ITPR1: variants seen among roughly 807,000 people sequenced by gnomAD.
ITPR1 encodes the protein inositol 1,4,5-trisphosphate-gated calcium channel ITPR1.
Under a neutral mutation model 318.4 loss-of-function variants are expected in ITPR1, and 96 were observed. The ratio of observed to expected loss-of-function variants is 0.30; its 90% CI spans 0.26 to 0.36. ITPR1 has a LOEUF of 0.36. ITPR1 is among the 10% of genes least tolerant of loss of function. The pLI, the probability that ITPR1 is intolerant of heterozygous loss-of-function variation, is 1.00. For missense variants in ITPR1, 2,440 were observed against 3,460.2 expected (o/e 0.71, Z 7.40); for synonymous variants, 1,312 against 1,289.9 (o/e 1.02, Z -0.37).
chr3:4,827,641 A>G (rs1388284732), intron 60 of ITPR1, among the ~76,000 whole-genome samples: 1 of 152,196 alleles, frequency 6.6e-6, no homozygotes, highest in Non-Finnish European at 1.5e-5. Context: ...AGGAAGTTGA[A>G]TCAAAGGGTC....
chr3:4,564,504 G>T (rs1440502617), intron 4 of ITPR1, among the ~76,000 whole-genome samples: 2 of 152,168 alleles, frequency 1.3e-5, no homozygotes, highest in African/African-American at 4.8e-5. Context: ...ATTACCAAAT[G>T]AGTCACGTTC....
chr3:4,671,215 A>C (rs1020975077), intron 20 of ITPR1, among the ~76,000 whole-genome samples: 1 of 152,162 alleles, frequency 6.6e-6, no homozygotes, highest in Non-Finnish European at 1.5e-5. Flanking sequence ...CGTAAGAGGC[A>C]GGCTGTGGGG....
chr3:4,846,138 G>T lies in ITPR1; in HGVS notation c.8191-1G>T. 6.5e-7 allele frequency: 1 copy of T among 1,550,106 alleles called. No homozygotes were observed. The highest frequency in any genetic ancestry group is 8.7e-7 in the Non-Finnish European group (1 of 1,145,196). Reference sequence around the variant, plus strand: ...AATGATGAAACTTTTTAACTTTCCAGATGACAGAACAAAGGAAGCAGAAAC... The same window carrying T: ...AATGATGAAACTTTTTAACTTTCCATATGACAGAACAAAGGAAGCAGAAAC... On this transcript the variant is annotated splice_acceptor_variant, in intron 61 of 61. Coordinates refer to ENST00000649015, the MANE Select transcript of ITPR1 (RefSeq NM_001378452.1). LOFTEE classifies it high-confidence loss of function.
intron 4 of ITPR1, among the ~76,000 whole-genome samples, chr3:4,563,461 A>G (rs984369604): frequency 3.9e-5 from 6 of 152,186 alleles, no homozygotes; most frequent in Non-Finnish European, 8.8e-5. Context: ...GTGAGCTGGG[A>G]TCATACCACT....
chr3:4,622,376 G>A (rs2092673844), intron 4 of ITPR1, among the ~76,000 whole-genome samples: 1 of 151,430 alleles, frequency 6.6e-6, no homozygotes, highest in South Asian at 2.1e-4. Flanking sequence ...GCCTCCCAAA[G>A]TGCTGGGATT....
intron 5 of ITPR1, among the ~76,000 whole-genome samples, chr3:4,628,638 G>T (rs576740436): frequency 6.6e-6 from 1 of 152,168 alleles, no homozygotes; most frequent in Non-Finnish European, 1.5e-5. Context: ...TCCCCGTCAT[G>T]TAACATCATC....
chr3:4,674,101 C>G, intron 21 of ITPR1, 101 bp from the exon 22 acceptor site: 1 of 873,640 alleles, frequency 1.1e-6, no homozygotes. Flanking sequence ...CAAGGGATGC[C>G]AAGGGTTAGG....
chr3:4,654,153 A>G (rs533739237), intron 12 of ITPR1, among the ~76,000 whole-genome samples: 2 of 152,318 alleles, frequency 1.3e-5, no homozygotes, highest in Non-Finnish European at 2.9e-5. Context: ...AGTTCATGGT[A>G]TCACTTGGAA....
chr3:4,704,096 A>G (rs2094708682), intron 36 of ITPR1, among the ~76,000 whole-genome samples: 3 of 152,160 alleles, frequency 2.0e-5, no homozygotes, highest in Admixed American at 2.0e-4. Flanking sequence ...CTAGAGGGGT[A>G]AAGGGGGAAA....
intron 54 of ITPR1, among the ~76,000 whole-genome samples, chr3:4,802,737 G>A (rs2048313340): frequency 6.6e-6 from 1 of 152,032 alleles, no homozygotes; most frequent in African/African-American, 2.4e-5. Context: ...GCTGAGGCAC[G>A]AGAATCTCTT....
intron 20 of ITPR1, among the ~76,000 whole-genome samples, chr3:4,672,670 G>T (rs2094111404): frequency 6.6e-6 from 1 of 152,184 alleles, no homozygotes; most frequent in Non-Finnish European, 1.5e-5. Flanking sequence ...GAATTAGAGT[G>T]ACTTACATGA....
Position 4,693,773 on chromosome 3 carries a change from C to G in ITPR1, c.4281+32C>G, listed in dbSNP as rs368803877. 18 of 1,591,992 alleles carry G rather than the reference C, an allele frequency of 1.1e-5. 1 individual carries two copies. In the Middle Eastern group the frequency reaches 1.7e-3, roughly 149 times the overall value. ...GAGCCCAGCCTGGCTGTGCCCTTCT[C>G]GTTGCTATGTGGTGTGTGCTGTCGT... is the stretch of plus-strand genomic sequence containing the variant. On this transcript the variant is annotated intron_variant, in intron 33 of 61. Coordinates refer to ENST00000649015, the MANE Select transcript of ITPR1 (RefSeq NM_001378452.1).
chr3:4,512,601 G>A, intron 2 of ITPR1, among the ~76,000 whole-genome samples: 1 of 152,034 alleles, frequency 6.6e-6, no homozygotes, highest in Admixed American at 6.5e-5. Context: ...TTTTAAACAG[G>A]GGATCCTTTA....
chr3:4,530,619 A>G (rs1312340665), intron 4 of ITPR1, among the ~76,000 whole-genome samples: 1 of 152,178 alleles, frequency 6.6e-6, no homozygotes, highest in African/African-American at 2.4e-5. Context: ...TCCTGTCTCT[A>G]CAAAAAATGA....
chr3:4,681,936 A>G, intron 26 of ITPR1, among the ~76,000 whole-genome samples: 1 of 152,170 alleles, frequency 6.6e-6, no homozygotes, highest in East Asian at 1.9e-4. Context: ...GCACTGGTCA[A>G]TTTTGACTTA....
rs1388006361 is a variant in ITPR1, at chr3:4,693,376, G to A, written c.4030-114G>A. On this transcript the variant is annotated intron_variant, in intron 32 of 61. Transcript: ENST00000649015. ...GAATGAAGTCAAAATAGGTAAGACT[G>A]ATTTGGGAAGATAAATGCTAACAGA... 2.6e-6 allele frequency: 3 copies of A among 1,172,724 alleles called. No individual in the cohort carries two copies. The East Asian group carries it at 7.1e-5, about 28-fold the overall frequency. The allele number at this position is 1,172,724 out of a possible 1,614,324, so 72.6% of individuals were successfully genotyped here. A position where few individuals can be genotyped will look rare whatever the true frequency, so the allele number is the denominator to read the frequency against.
chr3:4,678,530 A>G (rs2094230761), intron 24 of ITPR1, among the ~76,000 whole-genome samples: 2 of 152,224 alleles, frequency 1.3e-5, no homozygotes, highest in Non-Finnish European at 2.9e-5. Flanking sequence ...GAGGAATGCA[A>G]AAATGATTCG....
chr3:4,521,384 A>G (rs775644195), intron 4 of ITPR1, among the ~76,000 whole-genome samples: 1 of 152,214 alleles, frequency 6.6e-6, no homozygotes, highest in Non-Finnish European at 1.5e-5. Flanking sequence ...TCAAACAAAT[A>G]GTATTTATGG....
chr3:4,506,273 C>T (rs1213725457), intron 2 of ITPR1, among the ~76,000 whole-genome samples: 1 of 152,166 alleles, frequency 6.6e-6, no homozygotes, highest in African/African-American at 2.4e-5. Flanking sequence ...TTCTTCCTTT[C>T]CCCATTAATG....
Sources: allele counts gnomAD v4.1 joint callset (sites outside exome capture counted in the v4.1 genomes callset), GRCh38; gene constraint gnomAD v4.1.1; transcripts MANE v1.5; gene names NCBI Gene and HGNC (gene_info 2026-07-23, HGNC 2026-07-21).